TENM3: variants seen among roughly 807,000 people sequenced by gnomAD.
The protein encoded by TENM3 is teneurin-3.
Under a neutral mutation model 255.1 loss-of-function variants are expected in TENM3, and 63 were observed. That is an observed-to-expected ratio of 0.25 (90% CI 0.20 to 0.30). The LOEUF (loss-of-function observed/expected upper bound fraction) is 0.30, where lower values mean the gene tolerates loss of function less well. Among genes scored for constraint, TENM3 ranks in the 10% least tolerant of loss-of-function variants. The pLI is 1.00. For missense variants in TENM3, 2,929 were observed against 3,461.1 expected, an observed-to-expected ratio of 0.85 and a Z score of 3.86; for synonymous variants, 1,306 against 1,322.3, an observed-to-expected ratio of 0.99 and a Z score of 0.27.
At chr4:181,817,739 G>A in the TENM3 span, among the ~76,000 whole-genome samples, 1 of 152,242 alleles carries the variant, frequency 6.6e-6, no homozygotes, top group South Asian at 2.1e-4. Context: ...CAACCTTCAA[G>A]GTGCCATCTT....
At chr4:181,459,272 A>G in the TENM3 span, among the ~76,000 whole-genome samples, 2 of 151,750 alleles carry the variant, frequency 1.3e-5, no homozygotes, top group African/African-American at 2.4e-5. Flanking sequence ...AGTTCTTTCT[A>G]TATGTTCTGC....
chr4:181,698,411 C>A, the TENM3 span, among the ~76,000 whole-genome samples: 21 of 152,026 alleles, frequency 1.4e-4, no homozygotes, highest in Non-Finnish European at 1.8e-4. Flanking sequence ...TTAATGCCAA[C>A]AAACTTTTCC....
chr4:182,665,764 C>T lies in TENM3; in HGVS notation c.1112-7241C>T, dbSNP rs145664912. 9.7e-3 allele frequency among the ~76,000 whole-genome samples: 1,478 copies of T among 152,050 alleles called. 19 individuals are homozygous for T. The highest frequency in any genetic ancestry group is 0.034 in the African/African-American group (1,404 of 41,504). ...CAAAAAATTTAGCCGGACATGGTGG[C>T]GGGCACCTGTAGTCCCAGCTACTCA... On this transcript the variant is annotated intron_variant, in intron 6 of 27. Coordinates refer to ENST00000511685, the MANE Select transcript of TENM3 (RefSeq NM_001080477.4).
At chr4:182,036,485 C>A in the TENM3 span, among the ~76,000 whole-genome samples, 1 of 150,364 alleles carries the variant, frequency 6.7e-6, no homozygotes, top group Admixed American at 6.6e-5. Context: ...ACCACCGCAC[C>A]CGGCCGATAA....
At chr4:181,604,860 C>A in the TENM3 span, among the ~76,000 whole-genome samples, 111 of 152,266 alleles carry the variant, frequency 7.3e-4, no homozygotes, top group African/African-American at 2.6e-3. Flanking sequence ...CTGTCTGAGA[C>A]GTTGGGGAAT....
the TENM3 span, among the ~76,000 whole-genome samples, chr4:181,852,995 A>G: frequency 6.3e-3 from 954 of 152,360 alleles, 17 homozygotes; most frequent in African/African-American, 0.022. Context: ...AAAGCCAGAC[A>G]GTATGCAAAT....
intron 3 of TENM3, among the ~76,000 whole-genome samples, chr4:182,355,689 A>G (rs1417948668): frequency 1.3e-5 from 2 of 152,174 alleles, no homozygotes; most frequent in Non-Finnish European, 2.9e-5. Flanking sequence ...AGGGAGACCC[A>G]TTTAAGTAGA....
the TENM3 span, among the ~76,000 whole-genome samples, chr4:181,806,906 C>G: frequency 6.6e-6 from 1 of 152,258 alleles, no homozygotes; most frequent in South Asian, 2.1e-4. Flanking sequence ...TGTGTAAAGT[C>G]TTATTTCAGG....
At chr4:182,135,844 T>A in the TENM3 span, among the ~76,000 whole-genome samples, 1 of 152,230 alleles carries the variant, frequency 6.6e-6, no homozygotes. Context: ...AGTTGATAGT[T>A]CACAGACAAG....
chr4:182,412,399 T>C (rs1439031467), intron 3 of TENM3, among the ~76,000 whole-genome samples: 1 of 152,104 alleles, frequency 6.6e-6, no homozygotes, highest in Non-Finnish European at 1.5e-5. Context: ...ATATATAAAA[T>C]ACTATTCAAA....
At chr4:182,441,918 C>T (rs1037203763) in intron 3 of TENM3, among the ~76,000 whole-genome samples, 2 of 152,136 alleles carry the variant, frequency 1.3e-5, no homozygotes, top group African/African-American at 2.4e-5. Context: ...CTCGTATGTT[C>T]GTGGTCTGGA....
chr4:182,200,617 A>G (rs1754127994), intron 1 of TENM3, among the ~76,000 whole-genome samples: 2 of 152,206 alleles, frequency 1.3e-5, no homozygotes, highest in African/African-American at 4.8e-5. Flanking sequence ...CTCTGTGCTT[A>G]GCCTATAAGA....
At chr4:181,933,956 T>C in the TENM3 span, among the ~76,000 whole-genome samples, 2 of 152,166 alleles carry the variant, frequency 1.3e-5, no homozygotes, top group Non-Finnish European at 2.9e-5. Context: ...TTATTTAATA[T>C]GCTCAAATCA....
At chr4:182,041,147 G>C in the TENM3 span, among the ~76,000 whole-genome samples, 1 of 152,092 alleles carries the variant, frequency 6.6e-6, no homozygotes, top group Non-Finnish European at 1.5e-5. Context: ...AGAAGAAAGA[G>C]AATAAAGATA....
the TENM3 span, among the ~76,000 whole-genome samples, chr4:181,685,700 T>C: frequency 2.1e-5 from 3 of 144,340 alleles, no homozygotes; most frequent in African/African-American, 5.0e-5. Context: ...ATGGGCACCC[T>C]GCCCCCACCC....
chr4:182,752,058 TTTC>T (rs1443450847), intron 20 of TENM3, 26 bp downstream of exon 20: 5 of 1,334,846 alleles, frequency 3.7e-6, no homozygotes, highest in Admixed American at 3.2e-5. Context: ...GATTTGAGGA[TTTC>T]TTTTTATTTA....
chr4:182,506,848 T>G (rs748995038), intron 3 of TENM3, among the ~76,000 whole-genome samples: 1 of 152,196 alleles, frequency 6.6e-6, no homozygotes, highest in Non-Finnish European at 1.5e-5. Flanking sequence ...TGATAGTACT[T>G]AAACGGTCAA....
At chr4:181,544,439 A>G in the TENM3 span, among the ~76,000 whole-genome samples, 3,461 of 143,616 alleles carry the variant, frequency 0.024, 136 homozygotes, top group African/African-American at 0.064. Flanking sequence ...AAAAAAAACT[A>G]TAACTCGTAT....
At chr4:181,731,107 C>A in the TENM3 span, among the ~76,000 whole-genome samples, 2 of 152,116 alleles carry the variant, frequency 1.3e-5, no homozygotes, top group African/African-American at 4.8e-5. Context: ...CTTGTTAATT[C>A]TTTACTCAGA....
Sources: gnomAD v4.1 joint callset for allele counts (sites outside exome capture counted in the v4.1 genomes callset) on GRCh38, gnomAD v4.1.1 for gene constraint, MANE v1.5 for transcripts, NCBI Gene and HGNC (gene_info 2026-07-23, HGNC 2026-07-21) for gene names.